The following GSE1 variants were observed in gnomAD, a reference collection of about 807,000 sequenced individuals.
The protein encoded by GSE1 is genetic suppressor element 1.
GSE1 carries 32 observed loss-of-function variants against 112.6 expected under a neutral mutation model. That is an observed-to-expected ratio of 0.28 (90% CI 0.21 to 0.38). The LOEUF (loss-of-function observed/expected upper bound fraction) is 0.38. Ranked by LOEUF, GSE1 falls within the 10% of genes least tolerant of loss-of-function variation. The pLI is 1.00. For missense variants in GSE1, 2,348 were observed against 1,699.2 expected (o/e 1.38, Z -6.71); for synonymous variants, 1,115 against 735.6 (o/e 1.52, Z -8.35).
At chr16:85,291,502 G>A (rs1159455545) in intron 1 of GSE1, among the ~76,000 whole-genome samples, 1 of 152,230 alleles carries the variant, frequency 6.6e-6, no homozygotes, top group Non-Finnish European at 1.5e-5. Flanking sequence ...GAGCCCTGGT[G>A]TCCCATGGGG....
At chr16:85,620,280 A>G (rs893050228) in intron 1 of GSE1, among the ~76,000 whole-genome samples, 1 of 151,800 alleles carries the variant, frequency 6.6e-6, no homozygotes, top group Non-Finnish European at 1.5e-5. Flanking sequence ...ATAGAGCGGG[A>G]CTCTTGTCTC....
At chr16:85,611,008 C>A (rs1383463696), upstream of GSE1, among the ~76,000 whole-genome samples, 1 of 152,226 alleles carries the variant, frequency 6.6e-6, no homozygotes, top group African/African-American at 2.4e-5. Context: ...AGAAACCTAA[C>A]CCCACCTTCA....
intron 2 of GSE1, among the ~76,000 whole-genome samples, chr16:85,385,708 C>T (rs1198113950): frequency 2.6e-5 from 4 of 152,240 alleles, no homozygotes; most frequent in African/African-American, 7.2e-5. Context: ...TCCCCGCTCT[C>T]GCGAGGCAGC....
At chr16:85,578,937 C>T (rs1201088175) in intron 1 of GSE1, among the ~76,000 whole-genome samples, 1 of 152,010 alleles carries the variant, frequency 6.6e-6, no homozygotes, top group Non-Finnish European at 1.5e-5. Context: ...CCCAGCACAG[C>T]GATCTGGTTT....
chr16:85,595,739 C>T (rs951540987), intron 1 of GSE1: 2 of 151,606 alleles, frequency 1.3e-5, no homozygotes, highest in Non-Finnish European at 2.9e-5. Flanking sequence ...TCTCTATCCC[C>T]ACACCCAGCC....
In GSE1 at chr16:85,613,375, A is replaced by G. The variant is rs1364534141; in HGVS notation, c.-17A>G. Reference sequence around the variant, plus strand: ...CTCCAGCATGTATCAGCCGAGGTGGAGCTGCGGGGCCCTGGCATGAAAGGT... The same window carrying G: ...CTCCAGCATGTATCAGCCGAGGTGGGGCTGCGGGGCCCTGGCATGAAAGGT... On this transcript the variant is annotated 5_prime_UTR_variant, in exon 1 of 16. Coordinates refer to ENST00000253458, the MANE Select transcript of GSE1 (RefSeq NM_014615.5). The G allele has an allele frequency of 1.3e-6, 2 of 1,569,076 alleles. No homozygotes were observed. The highest frequency in any genetic ancestry group is 1.2e-5 in the South Asian group (1 of 85,596).
chr16:85,550,558 GC>G (rs1326037085), intron 2 of GSE1, among the ~76,000 whole-genome samples: 1 of 152,044 alleles, frequency 6.6e-6, no homozygotes. Context: ...AATTTGGGGA[GC>G]AGTGCCTCTC....
At chr16:85,252,048 A>T (rs915425799) in intron 1 of GSE1, among the ~76,000 whole-genome samples, 7 of 152,128 alleles carry the variant, frequency 4.6e-5, no homozygotes, top group African/African-American at 1.7e-4. Context: ...AATAGATGGC[A>T]GAGAGAGCAG....
At chr16:85,231,127 TGGAA>T (rs1226830366) in intron 1 of GSE1, among the ~76,000 whole-genome samples, 3 of 108,352 alleles carry the variant, frequency 2.8e-5, no homozygotes. Context: ...AAAGGATGGA[TGGAA>T]GGATGGATGG....
rs1597998285 is a variant in GSE1, at chr16:85,508,047, T to A, written c.2465-125867T>A. Among the ~76,000 whole-genome samples the A allele has an allele frequency of 2.0e-5, 3 of 152,098 alleles. No homozygotes were observed. In the South Asian group the frequency reaches 6.2e-4, roughly 32 times the overall value. The stretch of plus-strand genomic sequence containing the variant: ...TCTAACTCCGTCACTTATTTTTTTG[T>A]CTTTTGAGATGGAGTCTTGCTGTGT... On this transcript the variant is annotated intron_variant, in intron 2 of 2. Transcript: ENST00000637419.
At chr16:85,556,140 G>C (rs2045198544) in exon 1 of GSE1, 1 of 967,328 alleles carries the variant, frequency 1.0e-6, no homozygotes, top group Non-Finnish European at 1.2e-6. Flanking sequence ...TCATCTTGCG[G>C]GGCGGGGGGG....
upstream of GSE1, among the ~76,000 whole-genome samples, chr16:85,552,579 G>C (rs1474585747): frequency 3.3e-5 from 5 of 150,958 alleles, no homozygotes; most frequent in South Asian, 4.3e-4. Flanking sequence ...TGATCCGTCC[G>C]TCTCGGCCTC....
intron 1 of GSE1, among the ~76,000 whole-genome samples, chr16:85,323,340 G>A (rs1408316193): frequency 1.3e-5 from 2 of 152,150 alleles, no homozygotes; most frequent in African/African-American, 4.8e-5. Flanking sequence ...AGAATTAGTG[G>A]CCCACTTGGA....
chr16:85,297,946 G>A (rs1038839096), intron 1 of GSE1, among the ~76,000 whole-genome samples: 1 of 152,198 alleles, frequency 6.6e-6, no homozygotes, highest in African/African-American at 2.4e-5. Flanking sequence ...GCAGAAATGT[G>A]GGGATGAGAG....
chr16:85,198,335 G>A (rs946271852), intron 1 of GSE1, among the ~76,000 whole-genome samples: 1 of 152,218 alleles, frequency 6.6e-6, no homozygotes, highest in African/African-American at 2.4e-5. Context: ...AGAGCAGCTG[G>A]CAAAGTACAC....
intron 1 of GSE1, among the ~76,000 whole-genome samples, chr16:85,208,286 C>G (rs2075155524): frequency 6.6e-6 from 1 of 152,190 alleles, no homozygotes; most frequent in Non-Finnish European, 1.5e-5. Context: ...TGCACTCCGC[C>G]ACGTCGCTGG....
At chr16:85,271,703 A>G (rs1183473041) in intron 1 of GSE1, among the ~76,000 whole-genome samples, 1 of 152,228 alleles carries the variant, frequency 6.6e-6, no homozygotes, top group East Asian at 1.9e-4. Context: ...ATCAGGTGCC[A>G]TGACCCACCA....
chr16:85,645,510 C>T (rs2050779847), intron 2 of GSE1, among the ~76,000 whole-genome samples: 1 of 152,318 alleles, frequency 6.6e-6, no homozygotes, highest in East Asian at 1.9e-4. Context: ...GCAGCTGCCC[C>T]ACCCCAAGGG....
intron 2 of GSE1, among the ~76,000 whole-genome samples, chr16:85,545,147 C>T (rs867829927): frequency 1.3e-5 from 2 of 152,314 alleles, no homozygotes; most frequent in African/African-American, 2.4e-5. Context: ...GGAGGCGTTC[C>T]GAGGACAGGC....
Sources: gnomAD v4.1 joint callset for allele counts (sites outside exome capture counted in the v4.1 genomes callset) on GRCh38, gnomAD v4.1.1 for gene constraint, MANE v1.5 for transcripts, NCBI Gene and HGNC (gene_info 2026-07-23, HGNC 2026-07-21) for gene names.